The following WDR81 variants were observed in gnomAD, a reference collection of about 807,000 sequenced individuals.
WDR81 encodes the protein WD repeat domain 81, also known as WD repeat-containing protein 81.
In WDR81, 92 loss-of-function variants were observed where a neutral mutation model predicts 140.8. That is an observed-to-expected ratio of 0.65 (90% CI 0.55 to 0.78). The LOEUF is 0.78. WDR81 is among the 30% of genes least tolerant of loss of function. The pLI, the probability that WDR81 is intolerant of heterozygous loss-of-function variation, is 0.00. For synonymous variants in WDR81, 1,183 were observed against 1,156.4 expected (o/e 1.02, Z -0.47); for missense variants, 2,502 against 2,636.4 (o/e 0.95, Z 1.12).
chr17:1,722,347 CTT>C (rs543901572), upstream of WDR81, among the ~76,000 whole-genome samples: 31 of 138,222 alleles, frequency 2.2e-4, no homozygotes, highest in South Asian at 4.6e-4. Context: ...TTTTCTCTCT[CTT>C]TTTTTTTTTT....
Position 1,732,720 on chromosome 17 carries a change from T to G in WDR81, c.4378T>G (p.Phe1460Val), listed in dbSNP as rs1904467724. 6.2e-7 allele frequency: 1 copy of G among 1,612,722 alleles called. No homozygotes were observed. The highest frequency in any genetic ancestry group is 1.7e-5 in the Admixed American group (1 of 59,952). ...RGEGQLPQVV[F>V]SDGQQRPVDP... ...TGAGGGCCAGCTGCCACAGGTGGTC[T>G]TCTCTGATGGGCAGCAGCGGCCCGT... The change falls in exon 6 of 10, where the codon TTC becomes GTC. Residue 1460 changes from phenylalanine to valine, a missense_variant. By Grantham distance (50) the Phe-to-Val change is conservative. This residue lies in a region of WDR81 where 1,737 missense variants were observed against 1,843.0 expected (regional missense o/e 0.94). Coordinates refer to ENST00000409644, the MANE Select transcript of WDR81 (RefSeq NM_001163809.2).
At position 1,733,806 on chromosome 17, in the gene WDR81, G is replaced by A; in HGVS notation, c.4769G>A (p.Gly1590Asp). ...CTGGGCCCCATCTCGGGGGTGGGTG[G>A]CGGGGGCCTGGGCAGCGGGAGCGAC... ...GPLGPISGVGGGGLGSGSDDN... is the reference protein window; with the variant it reads ...GPLGPISGVGDGGLGSGSDDN... Residue 1590 changes from glycine (G) to aspartate (D), a missense_variant, in exon 7 of 10, where the codon GGC becomes GAC. By Grantham distance (94) the Gly-to-Asp change is moderately conservative. Coordinates refer to ENST00000409644, the MANE Select transcript of WDR81 (RefSeq NM_001163809.2). 1 of 1,612,194 alleles carries A rather than the reference G, an allele frequency of 6.2e-7. No homozygotes were observed. The highest frequency in any genetic ancestry group is 8.5e-7 in the Non-Finnish European group (1 of 1,179,584).
rs1272073421 is a variant in WDR81, at chr17:1,728,087, C to T, written c.3128C>T (p.Ser1043Phe). ...GGGCTGCCCGGGGCCGGGCCTGGCT[C>T]CTGTGCTTTTGGGGAGGAGATTCCC... ...ESGLPGAGPG[S>F]CAFGEEIPMD... The change falls in exon 1 of 10, where the codon TCC becomes TTC. Residue 1043 changes from serine to phenylalanine, a missense_variant. Around this residue, in one of 3 missense-constraint regions of WDR81, gnomAD observed 1,737 missense variants for 1,843.0 expected, o/e 0.94. Transcript: ENST00000409644. 1 of 1,597,990 alleles carries T rather than the reference C, an allele frequency of 6.3e-7. No homozygotes were observed.
chr17:1,730,703 C>A, intron 2 of WDR81, 52 bp from the exon 3 acceptor site: 1 of 1,548,742 alleles, frequency 6.5e-7, no homozygotes. Context: ...CAGGGCCAGG[C>A]TACCCCCGGC....
Position 1,727,416 on chromosome 17 carries a change from G to T in WDR81, c.2457G>T (p.Gln819His). 1.9e-6 allele frequency: 3 copies of T among 1,550,386 alleles called. No homozygotes were observed. Among genetic ancestry groups the T allele is most frequent in the Non-Finnish European group, 2.6e-6 (3 of 1,146,994 alleles). ...CCAAGGAGGTCCCTGTGTCTTTGCA[G>T]CCCGTGCTGGACACACTCCTGCAGA... ...RHPKEVPVSL[Q>H]PVLDTLLQMS... The change falls in exon 1 of 10, where the codon CAG becomes CAT. Residue 819 changes from glutamine (Q) to histidine (H), a missense_variant. Gln to His is a conservative substitution (Grantham distance 24). This residue lies in a region of WDR81 where 1,737 missense variants were observed against 1,843.0 expected (regional missense o/e 0.94). Coordinates refer to ENST00000409644, the MANE Select transcript of WDR81 (RefSeq NM_001163809.2).
In WDR81 at chr17:1,732,990, T is replaced by C. The variant is rs1352647688; in HGVS notation, c.4489+159T>C. 4.5e-6 allele frequency: 4 copies of C among 894,250 alleles called. No individual in the cohort carries two copies. The African/African-American group carries it at 6.8e-5, about 15-fold the overall frequency. The allele number at this position is 894,250 out of a possible 1,614,324, so 55.4% of individuals were successfully genotyped here. Reference sequence around the variant, plus strand: ...TGGCCTCAGACCCCTACCCCCAAGGTGACACACAAACAAGGACTGAGCAGT... The same window carrying C: ...TGGCCTCAGACCCCTACCCCCAAGGCGACACACAAACAAGGACTGAGCAGT... On this transcript the variant is annotated intron_variant, in intron 6 of 9. Coordinates refer to ENST00000409644, the MANE Select transcript of WDR81 (RefSeq NM_001163809.2).
In WDR81 at chr17:1,727,690, G is replaced by A. The variant is rs1298995533; in HGVS notation, c.2731G>A (p.Ala911Thr). 45 of 1,550,360 alleles carry A rather than the reference G, an allele frequency of 2.9e-5. No homozygotes were observed. The highest frequency in any genetic ancestry group is 1.6e-4 in the African/African-American group (12 of 73,058). The change falls in exon 1 of 10, where the codon GCG (alanine) becomes ACG (threonine). Residue 911 changes from alanine to threonine, a missense_variant. This residue lies in a region of WDR81 where 1,737 missense variants were observed against 1,843.0 expected (regional missense o/e 0.94). Coordinates refer to ENST00000409644, the MANE Select transcript of WDR81 (RefSeq NM_001163809.2). Reference protein sequence around the residue: ...LVFALWQQLGAVLKDITPEGL... With the variant: ...LVFALWQQLGTVLKDITPEGL... ...GTTTGCTCTGTGGCAGCAGCTGGGC[G>A]CGGTGCTGAAGGACATCACCCCTGA... is the stretch of plus-strand genomic sequence containing the variant.
chr17:1,717,203 T>C, intron 1 of WDR81: 1 of 153,862 alleles, frequency 6.5e-6, no homozygotes, highest in South Asian at 1.8e-4. Context: ...TGGAGACCAA[T>C]GAGCAGGCTG....
At position 1,728,341 on chromosome 17, in the gene WDR81, G is replaced by C. The variant is rs373691112; in HGVS notation, c.3382G>C (p.Gly1128Arg). ...GGGTGAGGAGCGGGCTCCAGACGAGGGGGGTGCCCCCGTGGACAAGAGCAG... is the reference window on the plus strand; with the variant it reads ...GGGTGAGGAGCGGGCTCCAGACGAGCGGGGTGCCCCCGTGGACAAGAGCAG... ...SLGEERAPDE[G>R]GAPVDKSSLR... The change falls in exon 1 of 10, where the codon GGG (glycine) becomes CGG (arginine). Residue 1128 changes from glycine (G) to arginine (R), a missense_variant. Around this residue, in one of 3 missense-constraint regions of WDR81, gnomAD observed 1,737 missense variants for 1,843.0 expected, o/e 0.94. Transcript: ENST00000409644. 6.3e-5 allele frequency: 102 copies of C among 1,612,804 alleles called. No individual in the cohort carries two copies. Among genetic ancestry groups the C allele is most frequent in the Non-Finnish European group, 8.2e-5 (97 of 1,180,024 alleles).
In WDR81 at chr17:1,732,417, T is replaced by C; in HGVS notation, c.4250T>C (p.Val1417Ala). 6.2e-7 allele frequency: 1 copy of C among 1,613,480 alleles called. No individual in the cohort carries two copies. Among genetic ancestry groups the C allele is most frequent in the Non-Finnish European group, 8.5e-7 (1 of 1,179,976 alleles). The change falls in exon 5 of 10, where the codon GTC becomes GCC. Residue 1417 changes from valine to alanine, a missense_variant. Transcript: ENST00000409644. ...LICLRIGQEM[V>A]QQHLSEPVAT... is the part of the protein sequence containing the mutation. ...TGCCTGCGCATTGGACAGGAGATGG[T>C]CCAGCAGCACCTGAGCGAGCCCGTG...
upstream of WDR81, among the ~76,000 whole-genome samples, chr17:1,722,955 A>G (rs1300012284): frequency 6.6e-6 from 1 of 152,114 alleles, no homozygotes; most frequent in East Asian, 1.9e-4. Context: ...GGCCTCCCAA[A>G]GTGCTGGGAT....
intron 3 of WDR81, 50 bp downstream of exon 3, chr17:1,730,995 G>A (rs374372193): frequency 1.2e-6 from 2 of 1,604,086 alleles, no homozygotes. Flanking sequence ...GAGGACCTGA[G>A]GGCCGGCCCG....
Position 1,727,514 on chromosome 17 carries a change from C to T in WDR81, c.2555C>T (p.Ser852Phe), listed in dbSNP as rs1291054922. The T allele has an allele frequency of 1.3e-6, 2 of 1,550,420 alleles. No individual in the cohort carries two copies. Among genetic ancestry groups the T allele is most frequent in the Admixed American group, 3.9e-5 (2 of 51,008 alleles). ...LDQLFEYRPV[S>F]QGLPPPCPSQ... Reference sequence around the variant, plus strand: ...CAACTGTTTGAGTACAGGCCTGTCTCCCAGGGCCTGCCCCCACCCTGCCCA... The same window carrying T: ...CAACTGTTTGAGTACAGGCCTGTCTTCCAGGGCCTGCCCCCACCCTGCCCA... Residue 852 changes from serine to phenylalanine, a missense_variant, in exon 1 of 10, where the codon TCC (serine) becomes TTC (phenylalanine). Around this residue, in one of 3 missense-constraint regions of WDR81, gnomAD observed 1,737 missense variants for 1,843.0 expected, o/e 0.94. Coordinates refer to ENST00000409644, the MANE Select transcript of WDR81 (RefSeq NM_001163809.2).
rs1328988571 is a variant in WDR81, at chr17:1,726,547, G to T, written c.1588G>T (p.Ala530Ser). ...SSQEFVAAHR[A>S]LLESREVSRD... The stretch of plus-strand genomic sequence containing the variant: ...CCAGGAGTTCGTAGCTGCCCACCGA[G>T]CCCTGCTGGAGAGCCGCGAGGTATC... The change falls in exon 1 of 10, where the codon GCC becomes TCC. Residue 530 changes from alanine (A) to serine (S), a missense_variant. Coordinates refer to ENST00000409644, the MANE Select transcript of WDR81 (RefSeq NM_001163809.2). The T allele has an allele frequency of 3.2e-6, 5 of 1,550,408 alleles. No homozygotes were observed. The highest frequency in any genetic ancestry group is 4.4e-6 in the Non-Finnish European group (5 of 1,147,000).
upstream of WDR81, among the ~76,000 whole-genome samples, chr17:1,721,568 T>C (rs943217768): frequency 6.6e-6 from 1 of 151,678 alleles, no homozygotes; most frequent in Admixed American, 6.6e-5. Context: ...ACACCTGTAA[T>C]CCCAGCATTT....
Position 1,729,676 on chromosome 17 carries a change from C to T in WDR81, c.3668-704C>T, listed in dbSNP as rs564579439. ...GTCATGTTCCATTAAAGAAGAGAAG[C>T]GGGGGACCGGGCGCGGTGCTTCACG... On this transcript the variant is annotated intron_variant, in intron 1 of 9. Coordinates refer to ENST00000409644, the MANE Select transcript of WDR81 (RefSeq NM_001163809.2). Among the ~76,000 whole-genome samples the T allele has an allele frequency of 7.3e-4, 111 of 151,344 alleles. 1 individual carries two copies. In the South Asian group the frequency reaches 0.021, roughly 29 times the overall value.
rs1915345098 is a variant in WDR81 at position 1,727,249 on chromosome 17, CAGTGCCTACTCCACAGGG to C, written c.2292_2309del (p.Gln764_Asp770delinsHis). ...CCGGGTCCAGCCGGCTGTGCCACTGCAGTGCCTACTCCACAGGGACATGCAGGCGCTGGGTGTCCTATT... is the reference window on the plus strand; with the variant it reads ...CCGGGTCCAGCCGGCTGTGCCACTGCACATGCAGGCGCTGGGTGTCCTATT... On this transcript the variant is annotated inframe_deletion, in exon 1 of 10. Transcript: ENST00000409644. 7 of 1,550,250 alleles carry C rather than the reference CAGTGCCTACTCCACAGGG, an allele frequency of 4.5e-6. No individual in the cohort carries two copies. Among genetic ancestry groups the C allele is most frequent in the Admixed American group, 2.0e-5 (1 of 50,988 alleles).
chr17:1,737,353 C>G lies in WDR81; in HGVS notation c.5506-12C>G, dbSNP rs769744563. ...CCCAGGCTCCTGCTGAGGCTCTCCT[C>G]TCCCGGGACAGGCGGTGGAGGGCAG... is the stretch of plus-strand genomic sequence containing the variant. On this transcript the variant is annotated splice_polypyrimidine_tract_variant and intron_variant, in intron 9 of 9. Coordinates refer to ENST00000409644, the MANE Select transcript of WDR81 (RefSeq NM_001163809.2). 1 of 1,593,154 alleles carries G rather than the reference C, an allele frequency of 6.3e-7. No homozygotes were observed. Among genetic ancestry groups the G allele is most frequent in the East Asian group, 2.2e-5 (1 of 44,684 alleles).
chr17:1,731,948 T>TAG, intron 4 of WDR81, among the ~76,000 whole-genome samples: 1 of 139,418 alleles, frequency 7.2e-6, no homozygotes, highest in Non-Finnish European at 1.5e-5. Context: ...AAAGTATATA[T>TAG]ATATGCTGGG....
Sources: gnomAD v4.1 joint callset for allele counts (sites outside exome capture counted in the v4.1 genomes callset) on GRCh38, gnomAD v4.1.1 for gene constraint, gnomAD v4.1.1 regional missense constraint, MANE v1.5 for transcripts, NCBI Gene and HGNC (gene_info 2026-07-23, HGNC 2026-07-21) for gene names.